The following TMEM168 variants were observed in gnomAD, a reference collection of about 807,000 sequenced individuals.
TMEM168 encodes transmembrane protein 168.
In TMEM168, 40 loss-of-function variants were observed where a neutral mutation model predicts 53.2. The ratio of observed to expected loss-of-function variants is 0.75; its 90% CI spans 0.58 to 0.98. TMEM168 has a LOEUF of 0.98. Among genes scored for constraint, TMEM168 ranks in the 50% least tolerant of loss-of-function variants. The probability of loss-of-function intolerance (pLI) is 0.00; values close to 1 mark genes in which losing one functional copy is unlikely to be tolerated. For synonymous variants in TMEM168, 282 were observed against 293.0 expected, an observed-to-expected ratio of 0.96 and a Z score of 0.38; for missense variants, 771 against 828.8, an observed-to-expected ratio of 0.93 and a Z score of 0.86.
chr7:112,785,710 T>C (rs528489005), intron 1 of TMEM168, among the ~76,000 whole-genome samples: 1 of 152,332 alleles, frequency 6.6e-6, no homozygotes, highest in South Asian at 2.1e-4. Flanking sequence ...TTTTCAATTC[T>C]ACTTAAACAA....
In TMEM168 at chr7:112,784,291, T is replaced by C. The variant is rs757085269; in HGVS notation, c.535A>G (p.Ser179Gly). ...AGAGCTACAACAAGCAAAATGACACTCAGAGACTTCTCCACCAACATAGTT... is the reference window on the plus strand; with the variant it reads ...AGAGCTACAACAAGCAAAATGACACCCAGAGACTTCTCCACCAACATAGTT... The part of the protein sequence containing the change: ...STTMLVEKSL[S>G]VILLVVALAM... Residue 179 changes from serine (S) to glycine (G), a missense_variant, in exon 2 of 5, where the codon AGT becomes GGT. Transcript: ENST00000312814. 6.2e-7 allele frequency: 1 copy of C among 1,614,066 alleles called. No individual in the cohort carries two copies. The highest frequency in any genetic ancestry group is 8.5e-7 in the Non-Finnish European group (1 of 1,179,998).
At position 112,767,570 on chromosome 7, in the gene TMEM168, G is replaced by A. The variant is rs1431197198; in HGVS notation, c.1721C>T (p.Thr574Ile). Residue 574 changes from threonine to isoleucine, a missense_variant, in exon 5 of 5, where the codon ACA becomes ATA. Coordinates refer to ENST00000312814, the MANE Select transcript of TMEM168 (RefSeq NM_022484.6). ...CGGGTCAGCTTCTTCAATATCTACT[G>A]TTTTTATCAACTCTGCTCCTTGCAC... is the stretch of plus-strand genomic sequence containing the variant. ...IAVQGAELIK[T>I]VDIEEADPPQ... The A allele has an allele frequency of 9.3e-6, 15 of 1,613,944 alleles. No homozygotes were observed. In the East Asian group the frequency reaches 3.3e-4, roughly 36 times the overall value.
intron 2 of TMEM168, among the ~76,000 whole-genome samples, chr7:112,780,753 A>G (rs1584447256): frequency 6.6e-6 from 1 of 152,152 alleles, no homozygotes; most frequent in East Asian, 1.9e-4. Context: ...AAAAGACTAC[A>G]ATGTTAAATG....
Position 112,765,322 on chromosome 7 carries a change from C to T in TMEM168, c.*1875G>A, listed in dbSNP as rs1359122926. 1 of 152,146 alleles carries T rather than the reference C, an allele frequency of 6.6e-6. No homozygotes were observed. The highest frequency in any genetic ancestry group is 1.5e-5 in the Non-Finnish European group (1 of 68,024). 9.4% of individuals were successfully genotyped at this position (152,146 alleles called of 1,614,324 possible). ...ACATATGAAAAAGTTAGGTTTGTGG[C>T]TGTCAAACTGTCAGCTGTTTTTAAA... On this transcript the variant is annotated 3_prime_UTR_variant, in exon 5 of 5. Transcript: ENST00000312814.
In TMEM168 at chr7:112,784,689, A is replaced by G; in HGVS notation, c.137T>C (p.Val46Ala). The change falls in exon 2 of 5, where the codon GTT (valine) becomes GCT (alanine). Residue 46 changes from valine to alanine, a missense_variant. By Grantham distance (64) the Val-to-Ala change is moderately conservative. Coordinates refer to ENST00000312814, the MANE Select transcript of TMEM168 (RefSeq NM_022484.6). ...LGYLARINLL[V>A]AICLGLYVRW... ...TACGTATAGACCTAAGCATATAGCA[A>G]CCAATAAATTGATTCTGGCTAAATA... is the stretch of plus-strand genomic sequence containing the variant. 6.2e-7 allele frequency: 1 copy of G among 1,614,092 alleles called. No individual in the cohort carries two copies. Among genetic ancestry groups the G allele is most frequent in the African/African-American group, 1.3e-5 (1 of 75,060 alleles).
At chr7:112,775,745 GA>G (rs1451372980) in intron 2 of TMEM168, among the ~76,000 whole-genome samples, 1 of 152,034 alleles carries the variant, frequency 6.6e-6, no homozygotes, top group Non-Finnish European at 1.5e-5. Flanking sequence ...GAGTGCTTTA[GA>G]AAGGGGTCAT....
rs1444977868 is a variant in TMEM168, at chr7:112,764,209, AGAT to A, written c.*2985_*2987del. 1 of 151,964 alleles carries A rather than the reference AGAT, an allele frequency of 6.6e-6. No homozygotes were observed. Among genetic ancestry groups the A allele is most frequent in the African/African-American group, 2.4e-5 (1 of 41,450 alleles). 9.4% of individuals were successfully genotyped at this position (151,964 alleles called of 1,614,324 possible). On this transcript the variant is annotated 3_prime_UTR_variant, in exon 5 of 5. Coordinates refer to ENST00000312814, the MANE Select transcript of TMEM168 (RefSeq NM_022484.6). ...GTTTTTTTTATTCTATTGAAAAAAA[AGAT>A]GATGTTTTTAGAGCTAGTGGTTTTG...
rs1373232065 is a variant in TMEM168, at chr7:112,764,327, T to TAA, written c.*2868_*2869dup. ...ATGTTACCTCTTTTTAGTAGAATGG[T>TAA]AAAGTTTTGCCCTAAAATAATTCCT... On this transcript the variant is annotated 3_prime_UTR_variant, in exon 5 of 5. Transcript: ENST00000312814. 6.6e-6 allele frequency: 1 copy of TAA among 151,992 alleles called. No homozygotes were observed. Among genetic ancestry groups the TAA allele is most frequent in the African/African-American group, 2.4e-5 (1 of 41,400 alleles). 9.4% of individuals were successfully genotyped at this position (151,992 alleles called of 1,614,324 possible).
Position 112,764,828 on chromosome 7 carries a change from A to T in TMEM168, c.*2369T>A, listed in dbSNP as rs1357354615. On this transcript the variant is annotated 3_prime_UTR_variant, in exon 5 of 5. Coordinates refer to ENST00000312814, the MANE Select transcript of TMEM168 (RefSeq NM_022484.6). ...TGTACTTTTTTTTTTTTTTGAGACA[A>T]AGAAAGAGTCCTGCTCTGTCGCCCA... 2.3e-5 allele frequency: 3 copies of T among 128,696 alleles called. No homozygotes were observed. The East Asian group carries it at 7.2e-4, about 31-fold the overall frequency. 8.0% of individuals were successfully genotyped at this position (128,696 alleles called of 1,614,324 possible).
Position 112,762,409 on chromosome 7 carries a change from A to T in TMEM168, c.*4788T>A, listed in dbSNP as rs1792688422. Reference sequence around the variant, plus strand: ...CATCAATACATTGGTATGTGTTTTAATATAAAAATATTTTTGAACTTAGAA... The same window carrying T: ...CATCAATACATTGGTATGTGTTTTATTATAAAAATATTTTTGAACTTAGAA... On this transcript the variant is annotated 3_prime_UTR_variant, in exon 5 of 5. Transcript: ENST00000312814. The T allele has an allele frequency of 6.6e-6, 1 of 152,046 alleles. No individual in the cohort carries two copies. Among genetic ancestry groups the T allele is most frequent in the African/African-American group, 2.4e-5 (1 of 41,444 alleles). The allele number at this position is 152,046 out of a possible 1,614,324, so 9.4% of individuals were successfully genotyped here.
At position 112,784,869 on chromosome 7, in the gene TMEM168, C is replaced by A. The variant is rs1793338556; in HGVS notation, c.-44G>T. 6.7e-7 allele frequency: 1 copy of A among 1,497,162 alleles called. No homozygotes were observed. 92.7% of individuals were successfully genotyped at this position (1,497,162 alleles called of 1,614,324 possible). The stretch of plus-strand genomic sequence containing the variant: ...TTTTCCCTCACGTTACAAAAATTAA[C>A]CGCTTGTATTTCATCCAGTATATCC... On this transcript the variant is annotated 5_prime_UTR_variant, in exon 2 of 5. Transcript: ENST00000312814.
Position 112,776,977 on chromosome 7 carries a change from T to G in TMEM168, c.1129-1659A>C, listed in dbSNP as rs185067850. Among the ~76,000 whole-genome samples, 6 of 152,252 alleles carry G rather than the reference T, an allele frequency of 3.9e-5. No homozygotes were observed. The East Asian group carries it at 1.2e-3, about 29-fold the overall frequency. On this transcript the variant is annotated intron_variant, in intron 2 of 4. Transcript: ENST00000312814. Reference sequence around the variant, plus strand: ...GATTATTAATGAGGTTAAGTACCTTTCACTATGTGGGTATCATCTTTGATG... The same window carrying G: ...GATTATTAATGAGGTTAAGTACCTTGCACTATGTGGGTATCATCTTTGATG...
At chr7:112,782,792 CA>C (rs1793266053) in intron 2 of TMEM168, among the ~76,000 whole-genome samples, 1 of 152,228 alleles carries the variant, frequency 6.6e-6, no homozygotes, top group Admixed American at 6.5e-5. Flanking sequence ...AATCAGTCAG[CA>C]GCAACAAACT....
intron 2 of TMEM168, among the ~76,000 whole-genome samples, chr7:112,780,413 T>C (rs1793195951): frequency 6.6e-6 from 1 of 152,190 alleles, no homozygotes; most frequent in African/African-American, 2.4e-5. Context: ...TATTCATAAT[T>C]ACCAAAAAAC....
intron 2 of TMEM168, among the ~76,000 whole-genome samples, chr7:112,777,727 C>G (rs1019263934): frequency 1.2e-4 from 19 of 152,054 alleles, no homozygotes; most frequent in African/African-American, 4.1e-4. Context: ...TTTGTAAAAT[C>G]TGCCTTGTCA....
At position 112,764,937 on chromosome 7, in the gene TMEM168, G is replaced by C. The variant is rs1260502430; in HGVS notation, c.*2260C>G. ...CGATTCTTGTGCCTTAGCCTCCCAA[G>C]TAGCTGGGATTACAGGCACCTGCCA... On this transcript the variant is annotated 3_prime_UTR_variant, in exon 5 of 5. Transcript: ENST00000312814. 1 of 152,074 alleles carries C rather than the reference G, an allele frequency of 6.6e-6. No homozygotes were observed. The highest frequency in any genetic ancestry group is 6.6e-5 in the Admixed American group (1 of 15,248). The allele number at this position is 152,074 out of a possible 1,614,324, so 9.4% of individuals were successfully genotyped here. A position where few individuals can be genotyped will look rare whatever the true frequency, so the allele number is the denominator to read the frequency against.
At chr7:112,789,841 G>A (rs116156153) in intron 1 of TMEM168, among the ~76,000 whole-genome samples, 1 of 152,358 alleles carries the variant, frequency 6.6e-6, no homozygotes, top group African/African-American at 2.4e-5. Flanking sequence ...AGCAGCAACA[G>A]CAATTTCTCT....
chr7:112,786,291 G>A (rs1479426092), intron 1 of TMEM168, among the ~76,000 whole-genome samples: 2 of 152,168 alleles, frequency 1.3e-5, no homozygotes, highest in African/African-American at 4.8e-5. Context: ...AGAGAAACAT[G>A]AGAACCTGGA....
chr7:112,765,262 CA>C lies in TMEM168; in HGVS notation c.*1934del, dbSNP rs1792745777. 1 of 152,090 alleles carries C rather than the reference CA, an allele frequency of 6.6e-6. No individual in the cohort carries two copies. Among genetic ancestry groups the C allele is most frequent in the South Asian group, 2.1e-4 (1 of 4,834 alleles). The allele number at this position is 152,090 out of a possible 1,614,324, so 9.4% of individuals were successfully genotyped here. ...ATTGGCTCAAGTCACATTCTTGGCC[CA>C]AAGACCATTTTTGGTTTTACTTTCA... On this transcript the variant is annotated 3_prime_UTR_variant, in exon 5 of 5. Coordinates refer to ENST00000312814, the MANE Select transcript of TMEM168 (RefSeq NM_022484.6).
Sources: gnomAD v4.1 joint callset for allele counts (sites outside exome capture counted in the v4.1 genomes callset) on GRCh38, gnomAD v4.1.1 for gene constraint, MANE v1.5 for transcripts, NCBI Gene and HGNC (gene_info 2026-07-23, HGNC 2026-07-21) for gene names.